The following ARHGEF17 variants were observed in gnomAD, a reference collection of about 807,000 sequenced individuals.
ARHGEF17 encodes Rho guanine nucleotide exchange factor 17, also known as 164 kDa Rho-specific guanine-nucleotide exchange factor.
ARHGEF17 carries 80 observed loss-of-function variants against 174.0 expected under a neutral mutation model. The observed-to-expected ratio is 0.46, with a 90% confidence interval of 0.38 to 0.55. The LOEUF (loss-of-function observed/expected upper bound fraction) is 0.55. ARHGEF17 is among the 20% of genes least tolerant of loss of function. ARHGEF17 has a pLI of 0.00. For synonymous variants in ARHGEF17, 1,311 were observed against 1,189.1 expected, an observed-to-expected ratio of 1.10 and a Z score of -2.11; for missense variants, 2,886 against 2,839.7, an observed-to-expected ratio of 1.02 and a Z score of -0.37.
intron 1 of ARHGEF17, among the ~76,000 whole-genome samples, chr11:73,335,954 G>A (rs1210734640): frequency 6.6e-6 from 1 of 152,222 alleles, no homozygotes; most frequent in Admixed American, 6.5e-5. Context: ...CAAGAGACCT[G>A]GTCTCTGCTC....
chr11:73,322,792 G>A (rs1865036999), intron 1 of ARHGEF17, among the ~76,000 whole-genome samples: 1 of 152,032 alleles, frequency 6.6e-6, no homozygotes, highest in Non-Finnish European at 1.5e-5. Context: ...AGGAAGGGCT[G>A]GGAGCACTGC....
intron 20 of ARHGEF17, among the ~76,000 whole-genome samples, chr11:73,366,209 A>G (rs1258018655): frequency 6.6e-6 from 1 of 152,166 alleles, no homozygotes; most frequent in Non-Finnish European, 1.5e-5. Flanking sequence ...CAGGGAGGGA[A>G]CTATAACCTA....
rs763274361 is a variant in ARHGEF17 at position 73,310,307 on chromosome 11, C to T, written c.1669C>T (p.Arg557Cys). Reference protein sequence around the residue: ...FTCSEKPMARRLPRTSALKSS... With the variant: ...FTCSEKPMARCLPRTSALKSS... The stretch of plus-strand genomic sequence containing the variant: ...CTGCTCTGAGAAGCCCATGGCCCGC[C>T]GCCTGCCCCGCACCAGTGCTCTGAA... The change falls in exon 1 of 21, where the codon CGC becomes TGC. Residue 557 changes from arginine (R) to cysteine (C), a missense_variant. Physicochemically the swap from Arg to Cys is radical, Grantham distance 180 (BLOSUM62 -3). Around this residue, in one of 4 missense-constraint regions of ARHGEF17, gnomAD observed 1,728 missense variants for 1,461.2 expected, o/e 1.18. Coordinates refer to ENST00000263674, the MANE Select transcript of ARHGEF17 (RefSeq NM_014786.4). 35 of 1,613,708 alleles carry T rather than the reference C, an allele frequency of 2.2e-5. No individual in the cohort carries two copies. Among genetic ancestry groups the T allele is most frequent in the East Asian group, 4.5e-5 (2 of 44,898 alleles).
chr11:73,322,206 A>C (rs900259448), intron 1 of ARHGEF17, among the ~76,000 whole-genome samples: 5 of 152,198 alleles, frequency 3.3e-5, no homozygotes, highest in Non-Finnish European at 5.9e-5. Context: ...TGAATCACTG[A>C]GGTCTCACTC....
intron 1 of ARHGEF17, among the ~76,000 whole-genome samples, chr11:73,338,464 G>A (rs542342223): frequency 4.3e-4 from 65 of 152,296 alleles, no homozygotes; most frequent in African/African-American, 1.3e-3. Context: ...GGAACATCCC[G>A]TACCAACCCT....
At chr11:73,332,198 T>TAG (rs987691991) in intron 1 of ARHGEF17, among the ~76,000 whole-genome samples, 16 of 152,160 alleles carry the variant, frequency 1.1e-4, no homozygotes, top group African/African-American at 3.6e-4. Context: ...CTCTACTTTA[T>TAG]AGATGGGGAA....
chr11:73,357,023 A>C lies in ARHGEF17; in HGVS notation c.3892-2A>C. On this transcript the variant is annotated splice_acceptor_variant, in intron 7 of 20. Transcript: ENST00000263674. LOFTEE classifies it high-confidence loss of function. ...GCCTGAATTCTGCCTTGGGCTCCAC[A>C]GAAGGCGATCGGTGGCAAGAAGGAC... 1 of 1,614,062 alleles carries C rather than the reference A, an allele frequency of 6.2e-7. No individual in the cohort carries two copies. Among genetic ancestry groups the C allele is most frequent in the Non-Finnish European group, 8.5e-7 (1 of 1,179,918 alleles).
At position 73,311,644 on chromosome 11, in the gene ARHGEF17, G is replaced by T. The variant is rs141958792; in HGVS notation, c.3006G>T (p.Ser1002=). The T allele has an allele frequency of 1.2e-6, 2 of 1,613,180 alleles. No individual in the cohort carries two copies. Among genetic ancestry groups the T allele is most frequent in the Non-Finnish European group, 1.7e-6 (2 of 1,179,938 alleles). ...CCCATCCCACGTTGCAGGCACCATCGCTCGAGGACGTCACCAAGCAGTACA... is the reference window on the plus strand; with the variant it reads ...CCCATCCCACGTTGCAGGCACCATCTCTCGAGGACGTCACCAAGCAGTACA... The part of the protein sequence containing the change: ...TRAHPTLQAP[S]LEDVTKQYML... Residue 1002 remains serine (S), a synonymous_variant, in exon 1 of 21, where the codon TCG becomes TCT. Coordinates refer to ENST00000263674, the MANE Select transcript of ARHGEF17 (RefSeq NM_014786.4).
At chr11:73,350,153 G>C (rs542492386) in intron 2 of ARHGEF17, among the ~76,000 whole-genome samples, 1 of 152,206 alleles carries the variant, frequency 6.6e-6, no homozygotes, top group Admixed American at 6.5e-5. Flanking sequence ...TTTAATCTTT[G>C]TATTAACCTT....
intron 3 of ARHGEF17, 22 bp from the exon 4 acceptor site, chr11:73,355,511 C>CAA: frequency 6.3e-7 from 1 of 1,586,358 alleles, no homozygotes; most frequent in Non-Finnish European, 8.7e-7. Flanking sequence ...TGAGGGTCCC[C>CAA]AACCTGCCTC....
Position 73,356,178 on chromosome 11 carries a change from C to T in ARHGEF17, c.3667C>T (p.Leu1223Phe). The T allele has an allele frequency of 6.2e-7, 1 of 1,613,916 alleles. No homozygotes were observed. Among genetic ancestry groups the T allele is most frequent in the Non-Finnish European group, 8.5e-7 (1 of 1,179,990 alleles). Residue 1223 changes from leucine to phenylalanine, a missense_variant, in exon 6 of 21, where the codon CTC becomes TTC. Coordinates refer to ENST00000263674, the MANE Select transcript of ARHGEF17 (RefSeq NM_014786.4). ...IPRYELLVKD[L>F]LKHTPEDHPD... The stretch of plus-strand genomic sequence containing the variant: ...CTGCTCCCCATTCCCACCCCAGGAC[C>T]TCCTGAAGCATACACCTGAGGACCA...
At chr11:73,328,314 C>T (rs1051883962) in intron 1 of ARHGEF17, among the ~76,000 whole-genome samples, 4 of 152,146 alleles carry the variant, frequency 2.6e-5, no homozygotes, top group Non-Finnish European at 2.9e-5. Context: ...GGGGCTCTGC[C>T]GGAGTTTTGC....
At chr11:73,313,243 C>G (rs927405643) in intron 1 of ARHGEF17, among the ~76,000 whole-genome samples, 1 of 152,176 alleles carries the variant, frequency 6.6e-6, no homozygotes, top group African/African-American at 2.4e-5. Context: ...CGTTTTGAAC[C>G]TGTCCTTCCT....
intron 1 of ARHGEF17, among the ~76,000 whole-genome samples, chr11:73,326,046 AC>A (rs1865097140): frequency 6.6e-6 from 1 of 152,214 alleles, no homozygotes; most frequent in Non-Finnish European, 1.5e-5. Flanking sequence ...ACCCAGGGGA[AC>A]CTTTAAAATT....
intron 1 of ARHGEF17, among the ~76,000 whole-genome samples, chr11:73,327,813 G>T (rs573034055): frequency 6.6e-6 from 1 of 151,936 alleles, no homozygotes; most frequent in African/African-American, 2.4e-5. Context: ...ATTCAGCTGG[G>T]TTAGTGTAAT....
In ARHGEF17 at chr11:73,309,525, G is replaced by C; in HGVS notation, c.887G>C (p.Arg296Thr). The change falls in exon 1 of 21, where the codon AGG (arginine) becomes ACG (threonine). Residue 296 changes from arginine to threonine, a missense_variant. This residue lies in a region of ARHGEF17 where 1,728 missense variants were observed against 1,461.2 expected (regional missense o/e 1.18). Coordinates refer to ENST00000263674, the MANE Select transcript of ARHGEF17 (RefSeq NM_014786.4). The stretch of plus-strand genomic sequence containing the variant: ...CGCTGGGGAGGGAGGCCCGGGCTCA[G>C]GCCTGGAAGCTCCCTATTGGATCAG... ...GHRWGGRPGL[R>T]PGSSLLDQDC... 6.3e-7 allele frequency: 1 copy of C among 1,580,510 alleles called. No homozygotes were observed. The highest frequency in any genetic ancestry group is 1.1e-5 in the South Asian group (1 of 88,792).
chr11:73,338,892 T>A (rs912215070), intron 1 of ARHGEF17, among the ~76,000 whole-genome samples: 1 of 152,048 alleles, frequency 6.6e-6, no homozygotes, highest in African/African-American at 2.4e-5. Flanking sequence ...GAGTTCTTGA[T>A]GTGGGGCTGC....
At chr11:73,353,063 G>A (rs1865582103) in intron 3 of ARHGEF17, 51 bp downstream of exon 3, 2 of 1,602,344 alleles carry the variant, frequency 1.2e-6, no homozygotes, top group South Asian at 2.2e-5. Context: ...CCTCCTGGAA[G>A]GGGCTGGATG....
At chr11:73,323,632 G>C (rs1175374249) in intron 1 of ARHGEF17, among the ~76,000 whole-genome samples, 1 of 152,056 alleles carries the variant, frequency 6.6e-6, no homozygotes, top group African/African-American at 2.4e-5. Context: ...CCGCTCCTGG[G>C]CCCCTCCTCC....
Sources: gnomAD v4.1 joint callset for allele counts (sites outside exome capture counted in the v4.1 genomes callset) on GRCh38, gnomAD v4.1.1 for gene constraint, gnomAD v4.1.1 regional missense constraint, MANE v1.5 for transcripts, NCBI Gene and HGNC (gene_info 2026-07-23, HGNC 2026-07-21) for gene names.